Variants in LRP1B observed in about 807,000 individuals in gnomAD.
LRP1B encodes the protein low-density lipoprotein receptor-related protein 1B.
LRP1B carries 217 observed loss-of-function variants against 556.6 expected under a neutral mutation model. That is an observed-to-expected ratio of 0.39 (90% CI 0.35 to 0.44). LRP1B has a LOEUF of 0.44. Ranked by LOEUF, LRP1B falls within the 20% of genes least tolerant of loss-of-function variation. The pLI, the probability that LRP1B is intolerant of heterozygous loss-of-function variation, is 1.00. For missense variants in LRP1B, 5,053 were observed against 5,620.8 expected (o/e 0.90, Z 3.23); for synonymous variants, 2,047 against 1,865.8 (o/e 1.10, Z -2.50).
intron 35 of LRP1B, among the ~76,000 whole-genome samples, chr2:140,765,948 G>C (rs1689089227): frequency 6.6e-6 from 1 of 151,866 alleles, no homozygotes; most frequent in Admixed American, 6.6e-5. Context: ...CACCAACATG[G>C]CACATGTATA....
At chr2:141,645,492 T>TTG (rs1689526346) in intron 2 of LRP1B, among the ~76,000 whole-genome samples, 2 of 121,444 alleles carry the variant, frequency 1.6e-5, no homozygotes, top group African/African-American at 5.5e-5. Context: ...TTTTTTTTTT[T>TTG]GGGTGGTTTT....
At chr2:141,194,584 A>T (rs1235581057) in intron 6 of LRP1B, among the ~76,000 whole-genome samples, 2 of 152,102 alleles carry the variant, frequency 1.3e-5, no homozygotes, top group East Asian at 3.9e-4. Context: ...AAAATTTACA[A>T]AGCATTTTGT....
At chr2:142,019,331 G>C (rs1367121286) in intron 1 of LRP1B, among the ~76,000 whole-genome samples, 1 of 152,180 alleles carries the variant, frequency 6.6e-6, no homozygotes, top group Non-Finnish European at 1.5e-5. Flanking sequence ...AATAAAGTGA[G>C]TTTCCTAATT....
chr2:142,048,145 C>T (rs1356365505), intron 1 of LRP1B, among the ~76,000 whole-genome samples: 1 of 151,986 alleles, frequency 6.6e-6, no homozygotes, highest in Non-Finnish European at 1.5e-5. Context: ...CCTCTGCATT[C>T]GTCTTACAAA....
intron 25 of LRP1B, among the ~76,000 whole-genome samples, chr2:140,875,542 G>C (rs970047220): frequency 6.6e-6 from 1 of 152,034 alleles, no homozygotes; most frequent in African/African-American, 2.4e-5. Flanking sequence ...AAATCCTTGA[G>C]TTATCACTTT....
At chr2:140,523,120 T>A (rs916090325) in intron 49 of LRP1B, among the ~76,000 whole-genome samples, 3 of 151,950 alleles carry the variant, frequency 2.0e-5, no homozygotes, top group African/African-American at 7.2e-5. Flanking sequence ...ATATCCCTAA[T>A]GAACATAGGA....
intron 1 of LRP1B, among the ~76,000 whole-genome samples, chr2:141,861,233 A>G (rs1450963564): frequency 6.6e-6 from 1 of 152,086 alleles, no homozygotes; most frequent in African/African-American, 2.4e-5. Context: ...CTCTTCACAA[A>G]TGTCCCCTCA....
intron 1 of LRP1B, among the ~76,000 whole-genome samples, chr2:141,945,931 GATTTATTT>G (rs140141783): frequency 1.9e-4 from 28 of 151,024 alleles, no homozygotes; most frequent in African/African-American, 3.4e-4. Context: ...AAACCAGCAG[GATTTATTT>G]ATTTATTTAT....
chr2:141,405,927 CTCTT>C (rs1161694459), intron 3 of LRP1B, among the ~76,000 whole-genome samples: 3 of 151,990 alleles, frequency 2.0e-5, no homozygotes, highest in African/African-American at 7.2e-5. Flanking sequence ...TACAATATAG[CTCTT>C]TCTTATATAG....
At chr2:141,005,084 T>C (rs528593611) in intron 15 of LRP1B, among the ~76,000 whole-genome samples, 19 of 152,168 alleles carry the variant, frequency 1.2e-4, no homozygotes, top group Non-Finnish European at 2.2e-4. Context: ...TATGCTTCTG[T>C]GGCATATACT....
rs1018887718 is a variant in LRP1B, at chr2:141,944,799, G to C, written c.83-134398C>G. 2.0e-5 allele frequency among the ~76,000 whole-genome samples: 3 copies of C among 152,148 alleles called. No individual in the cohort carries two copies. The East Asian group carries it at 5.8e-4, about 29-fold the overall frequency. The stretch of plus-strand genomic sequence containing the variant: ...ACAGGTAAAGGGTAGTGGCATCTTT[G>C]TGGTTTTGAATTCTGAGATATCTAC... On this transcript the variant is annotated intron_variant, in intron 1 of 90. Transcript: ENST00000389484.
intron 2 of LRP1B, among the ~76,000 whole-genome samples, chr2:141,593,381 T>C (rs1268250413): frequency 1.3e-5 from 2 of 152,232 alleles, no homozygotes; most frequent in Admixed American, 6.5e-5. Context: ...TTTATTCTTC[T>C]AGTTTTTATA....
intron 60 of LRP1B, among the ~76,000 whole-genome samples, chr2:140,471,554 A>G (rs1687771294): frequency 6.6e-6 from 1 of 152,224 alleles, no homozygotes; most frequent in Non-Finnish European, 1.5e-5. Flanking sequence ...TTCTAAGCTT[A>G]CATATATCTC....
At chr2:141,435,235 T>C (rs1319668799) in intron 3 of LRP1B, among the ~76,000 whole-genome samples, 2 of 152,200 alleles carry the variant, frequency 1.3e-5, no homozygotes, top group Non-Finnish European at 2.9e-5. Flanking sequence ...AAGTCTCTTA[T>C]GGCAGGTGCC....
chr2:141,710,260 C>T (rs1030620233), intron 2 of LRP1B, among the ~76,000 whole-genome samples: 1 of 152,058 alleles, frequency 6.6e-6, no homozygotes. Flanking sequence ...TCTTTACTCT[C>T]AAAATGTCAG....
chr2:141,378,366 A>G (rs1689514310), intron 3 of LRP1B, among the ~76,000 whole-genome samples: 1 of 152,238 alleles, frequency 6.6e-6, no homozygotes, highest in Non-Finnish European at 1.5e-5. Flanking sequence ...CAGGAAAACT[A>G]GAAAATATCA....
intron 1 of LRP1B, among the ~76,000 whole-genome samples, chr2:141,963,393 C>G (rs1701462535): frequency 6.6e-6 from 1 of 151,860 alleles, no homozygotes; most frequent in African/African-American, 2.4e-5. Flanking sequence ...GATGTGACAG[C>G]AAGTAAGAAA....
At chr2:140,920,084 C>T (rs1043566225) in intron 21 of LRP1B, among the ~76,000 whole-genome samples, 2 of 151,942 alleles carry the variant, frequency 1.3e-5, no homozygotes, top group Admixed American at 6.6e-5. Flanking sequence ...CCTATTTTCC[C>T]GGTACCTTGC....
intron 62 of LRP1B, among the ~76,000 whole-genome samples, chr2:140,452,711 T>A (rs961096498): frequency 2.0e-5 from 3 of 152,210 alleles, no homozygotes; most frequent in Admixed American, 6.5e-5. Context: ...CAAAGCCTTG[T>A]TCATTTAGAA....
Sources: allele counts gnomAD v4.1 joint callset (sites outside exome capture counted in the v4.1 genomes callset), GRCh38; gene constraint gnomAD v4.1.1; transcripts MANE v1.5; gene names NCBI Gene and HGNC (gene_info 2026-07-23, HGNC 2026-07-21).